Variants in ANKDD1A observed in about 807,000 individuals in gnomAD.
ANKDD1A encodes the protein ankyrin repeat and death domain containing 1A, also known as ankyrin repeat and death domain-containing protein 1A.
Under a neutral mutation model 63.5 loss-of-function variants are expected in ANKDD1A, and 59 were observed. The ratio of observed to expected loss-of-function variants is 0.93; its 90% confidence interval spans 0.75 to 1.15. The LOEUF is 1.15. Among genes scored for constraint, ANKDD1A ranks in the 50% most tolerant of loss-of-function variants. The pLI, the probability that ANKDD1A is intolerant of heterozygous loss-of-function variation, is 0.00. For synonymous variants in ANKDD1A, 266 were observed against 263.9 expected (o/e 1.01, Z -0.08); for missense variants, 632 against 656.4 (o/e 0.96, Z 0.41).
chr15:64,944,367 ATGT>A (rs2085207584), intron 11 of ANKDD1A, among the ~76,000 whole-genome samples: 2 of 152,176 alleles, frequency 1.3e-5, no homozygotes, highest in African/African-American at 4.8e-5. Flanking sequence ...TTCACAGGAG[ATGT>A]TGAAGAGTTA....
intron 2 of ANKDD1A, 105 bp downstream of exon 2, chr15:64,916,005 T>C (rs1254046375): frequency 1.0e-5 from 11 of 1,092,982 alleles, no homozygotes; most frequent in Non-Finnish European, 1.4e-5. Flanking sequence ...CACATTTGCA[T>C]GTGTAAACTT....
Position 64,913,539 on chromosome 15 carries a change from T to C in ANKDD1A, c.34+1575T>C, listed in dbSNP as rs117221252. On this transcript the variant is annotated intron_variant, in intron 1 of 14. Transcript: ENST00000319580. ...ACTCCTGTTTTGCAGATGAGGAAAC[T>C]GCCTAACACAGCTAGGAAGTGGTTA... is the stretch of plus-strand genomic sequence containing the variant. 3.4e-3 allele frequency among the ~76,000 whole-genome samples: 525 copies of C among 152,254 alleles called. 2 individuals are homozygous for C. Among genetic ancestry groups the C allele is most frequent in the Non-Finnish European group, 6.3e-3 (428 of 68,008 alleles).
At chr15:64,918,868 C>T (rs1301646765) in intron 3 of ANKDD1A, among the ~76,000 whole-genome samples, 3 of 151,850 alleles carry the variant, frequency 2.0e-5, no homozygotes, top group Non-Finnish European at 4.4e-5. Context: ...GCAGGAGAAT[C>T]GCTGGAACCT....
Position 64,957,669 on chromosome 15 carries a change from A to G in ANKDD1A, c.*481A>G, listed in dbSNP as rs547138503. The G allele has an allele frequency of 1.3e-5, 2 of 152,272 alleles. No individual in the cohort carries two copies. Among genetic ancestry groups the G allele is most frequent in the African/African-American group, 2.4e-5 (1 of 41,460 alleles). 9.4% of individuals were successfully genotyped at this position (152,272 alleles called of 1,614,324 possible). ...CTGTTCATGTGTCTGCTTCTATTGC[A>G]TATTGTAAAATTATTAACTACTTCC... is the stretch of plus-strand genomic sequence containing the variant. On this transcript the variant is annotated 3_prime_UTR_variant, in exon 15 of 15. Transcript: ENST00000319580.
At chr15:64,917,591 C>T (rs1199305633) in intron 3 of ANKDD1A, 77 bp downstream of exon 3, 12 of 1,495,064 alleles carry the variant, frequency 8.0e-6, no homozygotes, top group East Asian at 5.0e-5. Flanking sequence ...AGCCAGTTGC[C>T]GAGATTGCTG....
intron 12 of ANKDD1A, 103 bp from the exon 13 acceptor site, chr15:64,947,301 C>G: frequency 8.1e-7 from 1 of 1,227,748 alleles, no homozygotes; most frequent in South Asian, 1.5e-5. Flanking sequence ...CTCCCAGGCA[C>G]CCCAGCAGAG....
intron 9 of ANKDD1A, among the ~76,000 whole-genome samples, chr15:64,938,900 G>A (rs888025716): frequency 4.0e-5 from 6 of 150,306 alleles, no homozygotes; most frequent in Non-Finnish European, 8.9e-5. Flanking sequence ...AGCCGAGATC[G>A]CGCCACTGCA....
intron 14 of ANKDD1A, chr15:64,950,610 C>CTGAT (rs2085261729): frequency 2.0e-6 from 2 of 985,230 alleles, no homozygotes; most frequent in Non-Finnish European, 2.4e-6. Context: ...TAGGCAGCCA[C>CTGAT]TGATAGTTGT....
rs151177685 is a variant in ANKDD1A at position 64,944,663 on chromosome 15, C to T, written c.1077C>T (p.Thr359=). 35 of 1,613,946 alleles carry T rather than the reference C, an allele frequency of 2.2e-5. No individual in the cohort carries two copies. The highest frequency in any genetic ancestry group is 1.9e-4 in the South Asian group (17 of 91,022). The part of the protein sequence containing the change: ...DLNLRDKQGK[T]ALAVAVRSNH... ...CCTCTTAATTGCAGCAGGGAAAAAC[C>T]GCCCTGGCAGTGGCCGTCCGCAGCA... The change falls in exon 12 of 15, where the codon ACC becomes ACT. Residue 359 remains threonine (T), a synonymous_variant. Transcript: ENST00000319580.
At position 64,953,714 on chromosome 15, in the gene ANKDD1A, G is replaced by C. The variant is rs370168235; in HGVS notation, c.1484-3389G>C. On this transcript the variant is annotated intron_variant, in intron 14 of 14. Coordinates refer to ENST00000319580, the MANE Select transcript of ANKDD1A (RefSeq NM_182703.6). ...TCCCTTCTTCTTTCTTCTTCTCCTT[G>C]TTCTTCTCCTTCTTCTCCTCCTTCT... Among the ~76,000 whole-genome samples, 136 of 12,114 alleles carry C rather than the reference G, an allele frequency of 0.011. 1 individual carries two copies. The South Asian group carries it at 0.12, about 11-fold the overall frequency. 7.9% of individuals were successfully genotyped at this position (12,114 alleles called of 152,430 possible). A position where few individuals can be genotyped will look rare whatever the true frequency, so the allele number is the denominator to read the frequency against.
chr15:64,925,278 C>T (rs2085038014), intron 4 of ANKDD1A, among the ~76,000 whole-genome samples: 1 of 148,920 alleles, frequency 6.7e-6, no homozygotes, highest in Admixed American at 6.7e-5. Flanking sequence ...AATTTATATT[C>T]ACTGAGATTT....
Position 64,958,488 on chromosome 15 carries a change from T to C in ANKDD1A, c.*1300T>C, listed in dbSNP as rs1366269038. 1.3e-5 allele frequency: 2 copies of C among 151,784 alleles called. No homozygotes were observed. The highest frequency in any genetic ancestry group is 1.3e-4 in the Admixed American group (2 of 15,220). The allele number at this position is 151,784 out of a possible 1,614,324, so 9.4% of individuals were successfully genotyped here. A position where few individuals can be genotyped will look rare whatever the true frequency, so the allele number is the denominator to read the frequency against. ...CCTAAAACTGTTCTAAAATAGAAAGTCTGTGAAAAAAAACAAAAGTAAAGT... is the reference window on the plus strand; with the variant it reads ...CCTAAAACTGTTCTAAAATAGAAAGCCTGTGAAAAAAAACAAAAGTAAAGT... On this transcript the variant is annotated 3_prime_UTR_variant, in exon 15 of 15. Transcript: ENST00000319580.
At chr15:64,953,658 T>TC (rs1566917758) in intron 14 of ANKDD1A, among the ~76,000 whole-genome samples, 70 of 130,830 alleles carry the variant, frequency 5.4e-4, no homozygotes, top group South Asian at 4.2e-3. Flanking sequence ...TTCTCCTTCT[T>TC]TTCTTTCTTC....
chr15:64,919,094 G>C (rs1353698078), intron 3 of ANKDD1A, among the ~76,000 whole-genome samples: 2 of 152,198 alleles, frequency 1.3e-5, no homozygotes, highest in African/African-American at 4.8e-5. Context: ...GTGGTTGGAG[G>C]AAAGTCTGTA....
intron 1 of ANKDD1A, among the ~76,000 whole-genome samples, chr15:64,912,751 A>C (rs2084941018): frequency 6.6e-6 from 1 of 152,248 alleles, no homozygotes; most frequent in Non-Finnish European, 1.5e-5. Context: ...CGCATAGTGC[A>C]GCTCACTGGA....
Position 64,935,816 on chromosome 15 carries a change from C to T in ANKDD1A, c.867+1582C>T, listed in dbSNP as rs549551716. On this transcript the variant is annotated intron_variant, in intron 9 of 14. Coordinates refer to ENST00000319580, the MANE Select transcript of ANKDD1A (RefSeq NM_182703.6). Reference sequence around the variant, plus strand: ...CCAAGATCGCTCCACTGCACTCCAGCCTGGGCAACAGAGTGAGACTGTCTC... The same window carrying T: ...CCAAGATCGCTCCACTGCACTCCAGTCTGGGCAACAGAGTGAGACTGTCTC... 5.9e-5 allele frequency among the ~76,000 whole-genome samples: 9 copies of T among 152,240 alleles called. 3 individuals are homozygous for T. Among genetic ancestry groups the T allele is most frequent in the African/African-American group, 2.2e-4 (9 of 41,536 alleles).
rs757422426 is a variant in ANKDD1A at position 64,942,518 on chromosome 15, G to A, written c.919G>A (p.Val307Ile). Reference sequence around the variant, plus strand: ...TGTGAGGCACAACTTCCCTGCCTTGGTCCGGCTCCTCATCAACTCCGACAG... The same window carrying A: ...TGTGAGGCACAACTTCCCTGCCTTGATCCGGCTCCTCATCAACTCCGACAG... Reference protein sequence around the residue: ...LAVRHNFPALVRLLINSDSDV... With the variant: ...LAVRHNFPALIRLLINSDSDV... Residue 307 changes from valine (V) to isoleucine (I), a missense_variant, in exon 10 of 15, where the codon GTC becomes ATC. Physicochemically the swap from Val to Ile is conservative, Grantham distance 29. Transcript: ENST00000319580. The A allele has an allele frequency of 1.9e-6, 3 of 1,613,896 alleles. No homozygotes were observed. The highest frequency in any genetic ancestry group is 1.1e-5 in the South Asian group (1 of 91,048).
chr15:64,928,390 CAG>C (rs1330488561), intron 6 of ANKDD1A, among the ~76,000 whole-genome samples: 1 of 152,236 alleles, frequency 6.6e-6, no homozygotes, highest in Non-Finnish European at 1.5e-5. Flanking sequence ...GATCACACCT[CAG>C]GGCCCCAGGA....
chr15:64,925,234 A>C (rs919689016), intron 4 of ANKDD1A, among the ~76,000 whole-genome samples: 10 of 151,450 alleles, frequency 6.6e-5, no homozygotes, highest in African/African-American at 2.2e-4. Context: ...ACTCAAAAAA[A>C]AAAAAAAAAA....
Sources: gnomAD v4.1 joint callset for allele counts (sites outside exome capture counted in the v4.1 genomes callset) on GRCh38, gnomAD v4.1.1 for gene constraint, MANE v1.5 for transcripts, NCBI Gene and HGNC (gene_info 2026-07-23, HGNC 2026-07-21) for gene names.